Variants in SHQ1 observed in about 807,000 individuals in gnomAD.
The protein encoded by SHQ1 is protein SHQ1 homolog.
In SHQ1, 49 loss-of-function variants were observed where a neutral mutation model predicts 53.8. The ratio of observed to expected loss-of-function variants is 0.91; its 90% CI spans 0.72 to 1.16. SHQ1 has a LOEUF of 1.16. SHQ1 is among the 50% of genes most tolerant of loss of function. SHQ1 has a pLI of 0.00. For missense variants in SHQ1, 738 were observed against 683.1 expected (o/e 1.08, Z -0.90); for synonymous variants, 243 against 251.0 (o/e 0.97, Z 0.30).
chr3:72,750,068 T>C lies in SHQ1; in HGVS notation c.*216A>G, dbSNP rs1395848936. 12 of 546,696 alleles carry C rather than the reference T, an allele frequency of 2.2e-5. No individual in the cohort carries two copies. The highest frequency in any genetic ancestry group is 2.1e-4 in the East Asian group (7 of 32,868). The allele number at this position is 546,696 out of a possible 1,614,324, so 33.9% of individuals were successfully genotyped here. A position where few individuals can be genotyped will look rare whatever the true frequency, so the allele number is the denominator to read the frequency against. Reference sequence around the variant, plus strand: ...TCATACTGTATTATTTAGAGAATAATAACAAGAAAAAAGTCTGTACATGTT... The same window carrying C: ...TCATACTGTATTATTTAGAGAATAACAACAAGAAAAAAGTCTGTACATGTT... On this transcript the variant is annotated 3_prime_UTR_variant, in exon 11 of 11. Transcript: ENST00000325599.
chr3:72,827,486 G>C (rs1707695535), intron 5 of SHQ1, among the ~76,000 whole-genome samples: 1 of 151,610 alleles, frequency 6.6e-6, no homozygotes, highest in Non-Finnish European at 1.5e-5. Context: ...CATGATGAAG[G>C]GAAAAAGAAA....
At chr3:72,765,558 T>TATTTA (rs1491541493) in intron 10 of SHQ1, among the ~76,000 whole-genome samples, 1 of 63,528 alleles carries the variant, frequency 1.6e-5, no homozygotes, top group Non-Finnish European at 2.8e-5. Flanking sequence ...TATATATATA[T>TATTTA]TTTTTTTTTT....
chr3:72,801,582 T>C (rs1706790383), intron 9 of SHQ1, among the ~76,000 whole-genome samples: 1 of 152,170 alleles, frequency 6.6e-6, no homozygotes, highest in Non-Finnish European at 1.5e-5. Context: ...ATTTTGGTGA[T>C]CTCAAGTACT....
intron 10 of SHQ1, among the ~76,000 whole-genome samples, chr3:72,754,277 C>T (rs961139557): frequency 2.0e-5 from 3 of 152,110 alleles, no homozygotes; most frequent in Non-Finnish European, 4.4e-5. Flanking sequence ...GGGGCGGTCA[C>T]GACTGGAAAC....
chr3:72,834,120 A>G (rs1707921226), intron 4 of SHQ1, among the ~76,000 whole-genome samples: 1 of 152,238 alleles, frequency 6.6e-6, no homozygotes, highest in African/African-American at 2.4e-5. Flanking sequence ...TTTCCATATA[A>G]TAATTTTAAA....
At chr3:72,814,257 A>G (rs767244444) in intron 8 of SHQ1, among the ~76,000 whole-genome samples, 2 of 152,248 alleles carry the variant, frequency 1.3e-5, no homozygotes, top group South Asian at 4.1e-4. Flanking sequence ...TACTTTCAAC[A>G]TATTAATAAA....
chr3:72,758,595 A>C (rs1575676074), intron 10 of SHQ1, among the ~76,000 whole-genome samples: 2 of 109,922 alleles, frequency 1.8e-5, no homozygotes, highest in African/African-American at 7.5e-5. Context: ...TCCGAGATGG[A>C]GTCTCATTCT....
chr3:72,730,459 G>C, the SHQ1 span, among the ~76,000 whole-genome samples: 1 of 152,094 alleles, frequency 6.6e-6, no homozygotes, highest in Non-Finnish European at 1.5e-5. Context: ...ATATGATATA[G>C]GTACACTGGA....
At position 72,848,433 on chromosome 3, in the gene SHQ1, C is replaced by A; in HGVS notation, c.-93G>T. ...CTCCAACTCCCCACGCGCAGGAACTCTCGGTGTGAGGGACGGAGCTTCCGG... is the reference window on the plus strand; with the variant it reads ...CTCCAACTCCCCACGCGCAGGAACTATCGGTGTGAGGGACGGAGCTTCCGG... On this transcript the variant is annotated 5_prime_UTR_variant, in exon 1 of 11. Coordinates refer to ENST00000325599, the MANE Select transcript of SHQ1 (RefSeq NM_018130.3). 1 of 1,546,902 alleles carries A rather than the reference C, an allele frequency of 6.5e-7. No homozygotes were observed. The highest frequency in any genetic ancestry group is 8.7e-7 in the Non-Finnish European group (1 of 1,151,022).
chr3:72,800,250 A>G (rs186279720), intron 9 of SHQ1, among the ~76,000 whole-genome samples: 5 of 152,322 alleles, frequency 3.3e-5, no homozygotes, highest in Non-Finnish European at 7.3e-5. Flanking sequence ...CTCCAGAACC[A>G]TGAGCCAATA....
chr3:72,826,379 G>A (rs1292639908), intron 5 of SHQ1, among the ~76,000 whole-genome samples: 6 of 152,168 alleles, frequency 3.9e-5, no homozygotes, highest in Non-Finnish European at 1.5e-5. Flanking sequence ...AAATCAGAAC[G>A]TGAGCTTTTT....
chr3:72,782,784 T>C (rs1230472140), intron 10 of SHQ1, among the ~76,000 whole-genome samples: 3 of 152,248 alleles, frequency 2.0e-5, no homozygotes, highest in African/African-American at 7.2e-5. Flanking sequence ...AAGAATGCTC[T>C]TGACAAAGCT....
Position 72,830,621 on chromosome 3 carries a change from T to TAGTA in SHQ1, c.599+1744_599+1747dup, listed in dbSNP as rs149661838. Among the ~76,000 whole-genome samples the TAGTA allele has an allele frequency of 8.6e-3, 1,310 of 152,182 alleles. 31 individuals carry two copies. The highest frequency in any genetic ancestry group is 0.03 in the African/African-American group (1,252 of 41,512). On this transcript the variant is annotated intron_variant, in intron 5 of 10. Transcript: ENST00000325599. Reference sequence around the variant, plus strand: ...TCAGTCAGCTAATATAAATAGTGAGTAGTAACACAAAAATTACACTGAGCC... The same window carrying TAGTA: ...TCAGTCAGCTAATATAAATAGTGAGTAGTAAGTAACACAAAAATTACACTGAGCC...
At chr3:72,813,301 T>A (rs1374859011) in intron 8 of SHQ1, among the ~76,000 whole-genome samples, 2 of 151,716 alleles carry the variant, frequency 1.3e-5, no homozygotes, top group African/African-American at 2.4e-5. Context: ...ACCCCGTCTC[T>A]ACTAAAAATA....
At chr3:72,820,643 A>G (rs1707448205) in intron 6 of SHQ1, among the ~76,000 whole-genome samples, 1 of 152,244 alleles carries the variant, frequency 6.6e-6, no homozygotes, top group Non-Finnish European at 1.5e-5. Context: ...AGTGCCAACA[A>G]TGCTTGGATG....
intron 10 of SHQ1, among the ~76,000 whole-genome samples, chr3:72,782,065 C>A (rs1295242418): frequency 1.3e-5 from 2 of 152,088 alleles, no homozygotes; most frequent in African/African-American, 4.8e-5. Flanking sequence ...AAGACAAGCA[C>A]AAAACAGAAA....
chr3:72,830,140 A>C (rs1707782420), intron 5 of SHQ1, among the ~76,000 whole-genome samples: 1 of 152,162 alleles, frequency 6.6e-6, no homozygotes, highest in Non-Finnish European at 1.5e-5. Flanking sequence ...TTATACCAAA[A>C]TAACATCCAG....
At chr3:72,797,069 C>T (rs985432381) in intron 9 of SHQ1, among the ~76,000 whole-genome samples, 1 of 151,670 alleles carries the variant, frequency 6.6e-6, no homozygotes, top group East Asian at 1.9e-4. Context: ...ACCAGCCTGG[C>T]CAACATGGTG....
At chr3:72,748,895 C>T (rs1324995623), downstream of SHQ1, among the ~76,000 whole-genome samples, 1 of 151,834 alleles carries the variant, frequency 6.6e-6, no homozygotes. Flanking sequence ...GGTGAGGCTG[C>T]AGCAAGCGGA....
Sources: allele counts gnomAD v4.1 joint callset (sites outside exome capture counted in the v4.1 genomes callset), GRCh38; gene constraint gnomAD v4.1.1; transcripts MANE v1.5; gene names NCBI Gene and HGNC (gene_info 2026-07-23, HGNC 2026-07-21).